ZNF529: variants seen among roughly 807,000 people sequenced by gnomAD.
ZNF529 encodes zinc finger protein 529.
In ZNF529, 11 loss-of-function variants were observed where a neutral mutation model predicts 10.1. The observed-to-expected ratio is 1.09, with a 90% CI of 0.69 to 1.81. The LOEUF is 1.81. Ranked by LOEUF, ZNF529 falls within the 40% of genes most tolerant of loss-of-function variation. ZNF529 has a pLI of 0.00. For missense variants in ZNF529, 624 were observed against 666.8 expected (o/e 0.94, Z 0.71); for synonymous variants, 204 against 215.7 (o/e 0.95, Z 0.47).
At chr19:36,591,744 T>A (rs1255784912) in intron 1 of ZNF529, among the ~76,000 whole-genome samples, 1 of 151,580 alleles carries the variant, frequency 6.6e-6, no homozygotes, top group Non-Finnish European at 1.5e-5. Flanking sequence ...AAAGGAAATT[T>A]AATTTATTAC....
intron 2 of ZNF529, among the ~76,000 whole-genome samples, chr19:36,567,955 C>A (rs939716465): frequency 6.6e-6 from 1 of 152,128 alleles, no homozygotes; most frequent in Non-Finnish European, 1.5e-5. Flanking sequence ...AAAACTCCTA[C>A]AACTCAGCCC....
At chr19:36,577,006 G>A (rs2036338397), upstream of ZNF529, 1 of 260,662 alleles carries the variant, frequency 3.8e-6, no homozygotes, top group Admixed American at 5.0e-5. Flanking sequence ...AGGCTGGGGG[G>A]CAGTGGCACA....
rs997110371 is a variant in ZNF529 at position 36,546,717 on chromosome 19, C to T, written c.*149G>A. ...TAAGTATATATCAGCTATGACTAAG[C>T]AATTCTACGTCTACATACAGAATGA... On this transcript the variant is annotated 3_prime_UTR_variant, in exon 5 of 5. Coordinates refer to ENST00000591340, the MANE Select transcript of ZNF529 (RefSeq NM_020951.5). 1.1e-5 allele frequency: 9 copies of T among 788,514 alleles called. No homozygotes were observed. In the African/African-American group the frequency reaches 1.2e-4, roughly 11 times the overall value. 48.8% of individuals were successfully genotyped at this position (788,514 alleles called of 1,614,324 possible).
intron 2 of ZNF529, among the ~76,000 whole-genome samples, chr19:36,565,757 G>A (rs2035873219): frequency 6.6e-6 from 1 of 152,072 alleles, no homozygotes; most frequent in African/African-American, 2.4e-5. Flanking sequence ...AAATACAAAA[G>A]TCTATTGCAT....
upstream of ZNF529, chr19:36,577,037 C>G (rs1015317491): frequency 5.8e-6 from 2 of 345,470 alleles, no homozygotes; most frequent in Non-Finnish European, 1.2e-5. Flanking sequence ...ACTGCAGCCT[C>G]GACCTCTTAG....
intron 3 of ZNF529, among the ~76,000 whole-genome samples, chr19:36,555,261 A>C (rs920295587): frequency 1.3e-5 from 2 of 152,222 alleles, no homozygotes; most frequent in African/African-American, 4.8e-5. Flanking sequence ...ACATTATATA[A>C]TAACAATTAT....
At chr19:36,584,038 G>A (rs1396760342) in intron 2 of ZNF529, among the ~76,000 whole-genome samples, 1 of 152,000 alleles carries the variant, frequency 6.6e-6, no homozygotes, top group African/African-American at 2.4e-5. Flanking sequence ...TGTCAAGTAG[G>A]ATAATGAAAG....
Position 36,546,429 on chromosome 19 carries a change from T to C in ZNF529, c.*437A>G, listed in dbSNP as rs570952298. On this transcript the variant is annotated 3_prime_UTR_variant, in exon 5 of 5. Transcript: ENST00000591340. ...AACAACATTACACAAAATGATGAGC[T>C]GTAAGACTGTAAAAATACATTGTAT... 6.5e-6 allele frequency: 1 copy of C among 154,784 alleles called. No homozygotes were observed. The highest frequency in any genetic ancestry group is 2.4e-5 in the African/African-American group (1 of 41,540). The allele number at this position is 154,784 out of a possible 1,614,324, so 9.6% of individuals were successfully genotyped here.
At chr19:36,569,210 G>C (rs1027196812) in intron 2 of ZNF529, among the ~76,000 whole-genome samples, 2 of 151,876 alleles carry the variant, frequency 1.3e-5, no homozygotes, top group Non-Finnish European at 2.9e-5. Context: ...AAAATTAGGA[G>C]AAGTAGCTGT....
chr19:36,604,331 T>C (rs904152742), intron 1 of ZNF529, among the ~76,000 whole-genome samples: 1 of 152,158 alleles, frequency 6.6e-6, no homozygotes, highest in African/African-American at 2.4e-5. Flanking sequence ...GCCTTGTCCA[T>C]GTGAAACACA....
intron 1 of ZNF529, chr19:36,594,139 TC>T (rs2036788596): frequency 6.6e-6 from 1 of 152,120 alleles, no homozygotes; most frequent in Admixed American, 6.5e-5. Flanking sequence ...AAATGCTCCC[TC>T]CATTTTACTT....
At position 36,572,471 on chromosome 19, in the gene ZNF529, G is replaced by T; in HGVS notation, c.-46-79C>A. 3.5e-6 allele frequency: 4 copies of T among 1,145,550 alleles called. No homozygotes were observed. The South Asian group carries it at 5.7e-5, about 16-fold the overall frequency. The allele number at this position is 1,145,550 out of a possible 1,614,324, so 71.0% of individuals were successfully genotyped here. On this transcript the variant is annotated intron_variant, in intron 1 of 4. Coordinates refer to ENST00000591340, the MANE Select transcript of ZNF529 (RefSeq NM_020951.5). ...GAACACAGTGTTCACCACCAGAAAA[G>T]CCCATCACACACAACAAACACACCC...
At chr19:36,582,779 GAACAA>G (rs898436289) in intron 2 of ZNF529, 2 of 149,008 alleles carry the variant, frequency 1.3e-5, no homozygotes, top group African/African-American at 2.5e-5. Flanking sequence ...TTAAGAAAAT[GAACAA>G]AACAACAAGT....
upstream of ZNF529, chr19:36,574,740 T>C (rs2036271739): frequency 2.2e-6 from 1 of 448,398 alleles, no homozygotes; most frequent in Admixed American, 2.6e-5. Context: ...TTTTTCTTTT[T>C]CTGAACAGCA....
chr19:36,572,222 T>G (rs528626212), intron 2 of ZNF529, 111 bp downstream of exon 2: 1 of 1,093,392 alleles, frequency 9.1e-7, no homozygotes. Flanking sequence ...GAAAGGGAAA[T>G]GGGCATTTGG....
chr19:36,556,318 C>G (rs769813092), intron 2 of ZNF529, 121 bp from the exon 3 acceptor site: 11 of 643,728 alleles, frequency 1.7e-5, no homozygotes, highest in Non-Finnish European at 3.1e-5. Context: ...GTTAAGAACT[C>G]TTAGAGTCTA....
intron 2 of ZNF529, among the ~76,000 whole-genome samples, chr19:36,571,675 C>CAAA (rs5827961): frequency 8.2e-5 from 11 of 134,834 alleles, no homozygotes; most frequent in South Asian, 2.4e-4. Context: ...AACTCTGTCT[C>CAAA]AAAAAAAAAA....
At chr19:36,562,860 G>A (rs935998457) in intron 2 of ZNF529, among the ~76,000 whole-genome samples, 3 of 150,786 alleles carry the variant, frequency 2.0e-5, no homozygotes, top group African/African-American at 7.3e-5. Flanking sequence ...AGAAGGTGGA[G>A]CCTTTAAGAG....
At chr19:36,597,554 AC>A (rs1383202578) in intron 1 of ZNF529, among the ~76,000 whole-genome samples, 1 of 152,054 alleles carries the variant, frequency 6.6e-6, no homozygotes, top group Non-Finnish European at 1.5e-5. Flanking sequence ...CAGCAATTCT[AC>A]CCCTGTTTAT....
Sources: gnomAD v4.1 joint callset for allele counts (sites outside exome capture counted in the v4.1 genomes callset) on GRCh38, gnomAD v4.1.1 for gene constraint, MANE v1.5 for transcripts, NCBI Gene and HGNC (gene_info 2026-07-23, HGNC 2026-07-21) for gene names.